Variants in GMDS observed in about 807,000 individuals in gnomAD.
GMDS encodes GDP-mannose 4,6 dehydratase.
GMDS carries 20 observed loss-of-function variants against 49.9 expected under a neutral mutation model. The observed-to-expected ratio is 0.40, with a 90% confidence interval of 0.28 to 0.58. The LOEUF is 0.58. Among genes scored for constraint, GMDS ranks in the 20% least tolerant of loss-of-function variants. The pLI, the probability that GMDS is intolerant of heterozygous loss-of-function variation, is 0.42. For synonymous variants in GMDS, 177 were observed against 178.6 expected (o/e 0.99, Z 0.07); for missense variants, 362 against 481.4 (o/e 0.75, Z 2.32).
chr6:1,868,478 A>G (rs1758552030), intron 7 of GMDS, among the ~76,000 whole-genome samples: 1 of 152,206 alleles, frequency 6.6e-6, no homozygotes, highest in African/African-American at 2.4e-5. Flanking sequence ...ACCCTTCATC[A>G]CAAGACTGCC....
At chr6:2,131,488 C>G (rs1581692553) in intron 1 of GMDS, among the ~76,000 whole-genome samples, 1 of 152,268 alleles carries the variant, frequency 6.6e-6, no homozygotes, top group Non-Finnish European at 1.5e-5. Flanking sequence ...AATTCTTCAA[C>G]TCTATGATGG....
chr6:1,786,759 C>A (rs963528609), intron 7 of GMDS, among the ~76,000 whole-genome samples: 1 of 151,128 alleles, frequency 6.6e-6, no homozygotes, highest in Non-Finnish European at 1.5e-5. Flanking sequence ...AGTTGTATAG[C>A]GAAATTATTA....
chr6:1,973,132 C>A (rs976921878), intron 4 of GMDS, among the ~76,000 whole-genome samples: 3 of 152,150 alleles, frequency 2.0e-5, no homozygotes. Flanking sequence ...GAAATCTGCA[C>A]GTGTGTGACC....
chr6:2,000,333 A>C (rs9501788), intron 4 of GMDS, among the ~76,000 whole-genome samples: 68,749 of 150,732 alleles, frequency 0.46, 15,826 homozygotes, highest in African/African-American at 0.51. Flanking sequence ...CCACTCCCGG[A>C]CAGTATTTAC....
rs1581380671 is a variant in GMDS at position 1,623,903 on chromosome 6, A to C, written c.*266T>G. The stretch of plus-strand genomic sequence containing the variant: ...TAACAACATAATTTCAAGTAAAGTG[A>C]ATGTGATTAAAACATCTTGATTTCA... On this transcript the variant is annotated 3_prime_UTR_variant, in exon 11 of 11. Coordinates refer to ENST00000380815, the MANE Select transcript of GMDS (RefSeq NM_001500.4). 2.1e-6 allele frequency: 1 copy of C among 467,478 alleles called. No individual in the cohort carries two copies. Among genetic ancestry groups the C allele is most frequent in the African/African-American group, 2.0e-5 (1 of 49,376 alleles). 29.0% of individuals were successfully genotyped at this position (467,478 alleles called of 1,614,324 possible). A position where few individuals can be genotyped will look rare whatever the true frequency, so the allele number is the denominator to read the frequency against.
intron 7 of GMDS, among the ~76,000 whole-genome samples, chr6:1,824,172 T>C (rs908095866): frequency 2.0e-5 from 3 of 152,134 alleles, no homozygotes; most frequent in African/African-American, 7.2e-5. Context: ...CCGGGACCCT[T>C]GAAGTATACT....
chr6:1,929,160 CTAAT>C lies in GMDS; in HGVS notation c.771+939_771+942del, dbSNP rs573963994. Among the ~76,000 whole-genome samples, 14 of 152,264 alleles carry C rather than the reference CTAAT, an allele frequency of 9.2e-5. No individual in the cohort carries two copies. The East Asian group carries it at 2.7e-3, about 29-fold the overall frequency. On this transcript the variant is annotated intron_variant, in intron 7 of 10. Transcript: ENST00000380815. ...CCTCATCTCTGCACTAGCAAACAAACTAATTGTTTGCTTTCTTTTGTAGGCATTA... is the reference window on the plus strand; with the variant it reads ...CCTCATCTCTGCACTAGCAAACAAACTGTTTGCTTTCTTTTGTAGGCATTA...
intron 1 of GMDS, among the ~76,000 whole-genome samples, chr6:2,142,804 A>G (rs1214625367): frequency 6.6e-6 from 1 of 151,984 alleles, no homozygotes; most frequent in Admixed American, 6.5e-5. Context: ...CACTCTTTGC[A>G]CCTCTAGTTA....
intron 9 of GMDS, among the ~76,000 whole-genome samples, chr6:1,684,119 TCA>T (rs1481263216): frequency 6.6e-6 from 1 of 152,130 alleles, no homozygotes; most frequent in East Asian, 1.9e-4. Context: ...TTTACACCAC[TCA>T]CTCTCTTCAG....
intron 7 of GMDS, among the ~76,000 whole-genome samples, chr6:1,807,937 A>G (rs1770249907): frequency 1.3e-5 from 2 of 152,256 alleles, no homozygotes; most frequent in African/African-American, 4.8e-5. Flanking sequence ...GAGAGCATTA[A>G]GGAAGCGAAA....
intron 7 of GMDS, among the ~76,000 whole-genome samples, chr6:1,852,355 C>T (rs892605082): frequency 9.2e-5 from 14 of 152,180 alleles, no homozygotes; most frequent in African/African-American, 3.1e-4. Context: ...TGTTCAAAAT[C>T]TTTCAAGGAT....
intron 8 of GMDS, among the ~76,000 whole-genome samples, chr6:1,736,432 A>G (rs1164380733): frequency 3.9e-5 from 6 of 152,218 alleles, no homozygotes; most frequent in East Asian, 3.8e-4. Context: ...ATGACCAAAT[A>G]TAATGTGAAT....
At chr6:1,646,273 G>A (rs1355675437) in intron 9 of GMDS, among the ~76,000 whole-genome samples, 1 of 152,200 alleles carries the variant, frequency 6.6e-6, no homozygotes, top group African/African-American at 2.4e-5. Context: ...CTTGGAGGAT[G>A]ACAGCATCCT....
intron 7 of GMDS, among the ~76,000 whole-genome samples, chr6:1,794,328 T>A (rs1315416483): frequency 6.7e-6 from 1 of 149,452 alleles, no homozygotes; most frequent in Non-Finnish European, 1.5e-5. Context: ...AAAAAAAAAA[T>A]ACTTGGAAAA....
chr6:1,929,599 G>C (rs1181411672), intron 7 of GMDS, among the ~76,000 whole-genome samples: 1 of 152,096 alleles, frequency 6.6e-6, no homozygotes, highest in African/African-American at 2.4e-5. Context: ...AAAGCTCAAC[G>C]ACATGCAATA....
chr6:2,197,941 A>G (rs189830779), intron 1 of GMDS, among the ~76,000 whole-genome samples: 1 of 152,350 alleles, frequency 6.6e-6, no homozygotes, highest in African/African-American at 2.4e-5. Flanking sequence ...TGCGTGCATT[A>G]GAGTCAGAAA....
At chr6:1,821,195 T>C (rs532439757) in intron 7 of GMDS, among the ~76,000 whole-genome samples, 1 of 152,262 alleles carries the variant, frequency 6.6e-6, no homozygotes, top group South Asian at 2.1e-4. Flanking sequence ...AACACAGATA[T>C]TTGTTTCTTG....
In GMDS at chr6:1,766,490, A is replaced by G. The variant is rs1768358541; in HGVS notation, c.772-23904T>C. 1.3e-5 allele frequency among the ~76,000 whole-genome samples: 2 copies of G among 152,146 alleles called. No homozygotes were observed. Among genetic ancestry groups the G allele is most frequent in the African/African-American group, 2.4e-5 (1 of 41,432 alleles). On this transcript the variant is annotated intron_variant, in intron 7 of 10. Transcript: ENST00000380815. The surrounding 1 kb of genome is among the most constrained non-coding windows in gnomAD (Gnocchi z 4.5). The stretch of plus-strand genomic sequence containing the variant: ...ATGAAGAAATGAGTATCATATTTAT[A>G]TATCTGCTATAACTCACTTTCTAAT...
chr6:1,781,279 C>T (rs551528839), intron 7 of GMDS, among the ~76,000 whole-genome samples: 9 of 152,272 alleles, frequency 5.9e-5, no homozygotes, highest in Admixed American at 3.9e-4. Context: ...GTTCAGGTCC[C>T]GGGTGAAGGA....
Sources: gnomAD v4.1 joint callset for allele counts (sites outside exome capture counted in the v4.1 genomes callset) on GRCh38, gnomAD v4.1.1 for gene constraint, Gnocchi (gnomAD v3.1) non-coding constraint, MANE v1.5 for transcripts, NCBI Gene and HGNC (gene_info 2026-07-23, HGNC 2026-07-21) for gene names.